Variants in SEL1L2 observed in about 807,000 individuals in gnomAD.
The protein encoded by SEL1L2 is protein sel-1 homolog 2.
A neutral mutation model predicts 98.8 loss-of-function variants in SEL1L2; 89 were observed. That is an observed-to-expected ratio of 0.90 (90% CI 0.76 to 1.07). The LOEUF is 1.07. Among genes scored for constraint, SEL1L2 ranks in the 50% least tolerant of loss-of-function variants. The probability of loss-of-function intolerance (pLI) is 0.00; values close to 1 mark genes in which losing one functional copy is unlikely to be tolerated. For synonymous variants in SEL1L2, 262 were observed against 278.5 expected (o/e 0.94, Z 0.59); for missense variants, 788 against 812.0 (o/e 0.97, Z 0.36).
Position 13,859,203 on chromosome 20 carries a change from C to T in SEL1L2, c.1818+59G>A, listed in dbSNP as rs1294901292. On this transcript the variant is annotated intron_variant, in intron 18 of 19. Transcript: ENST00000284951. ...ATCAATGAAATTCAAAACATTTACA[C>T]ATTCTGTCTTCTCACACAGCTGTCA... The T allele has an allele frequency of 1.7e-5, 25 of 1,472,894 alleles. No homozygotes were observed. The Admixed American group carries it at 4.1e-4, about 24-fold the overall frequency. The allele number at this position is 1,472,894 out of a possible 1,614,324, so 91.2% of individuals were successfully genotyped here.
rs2047057382 is a variant in SEL1L2, at chr20:13,888,513, C to T, written c.550-1G>A. 3 of 1,532,756 alleles carry T rather than the reference C, an allele frequency of 2.0e-6. No individual in the cohort carries two copies. Among genetic ancestry groups the T allele is most frequent in the Non-Finnish European group, 2.7e-6 (3 of 1,116,980 alleles). The allele number at this position is 1,532,756 out of a possible 1,614,324, so 94.9% of individuals were successfully genotyped here. On this transcript the variant is annotated splice_acceptor_variant, in intron 5 of 19. Coordinates refer to ENST00000284951, the MANE Select transcript of SEL1L2 (RefSeq NM_025229.2). LOFTEE classifies it high-confidence loss of function. The stretch of plus-strand genomic sequence containing the variant: ...CATAAGAAGACAAAAATCCTAATGC[C>T]TAAAGCACAAAAGAAGAAACAAAAT...
intron 18 of SEL1L2, among the ~76,000 whole-genome samples, chr20:13,858,351 C>T (rs1254439361): frequency 1.3e-5 from 2 of 152,080 alleles, no homozygotes; most frequent in Non-Finnish European, 2.9e-5. Flanking sequence ...CCAAGAATGA[C>T]TCACTGCGAG....
At chr20:13,876,239 T>C in intron 11 of SEL1L2, 124 bp from the exon 12 acceptor site, 1 of 694,234 alleles carries the variant, frequency 1.4e-6, no homozygotes, top group African/African-American at 1.8e-5. Context: ...CCACTGTAAA[T>C]GCCACTGAAT....
intron 1 of SEL1L2, among the ~76,000 whole-genome samples, chr20:13,978,117 T>C (rs1646523358): frequency 6.6e-6 from 1 of 152,102 alleles, no homozygotes; most frequent in African/African-American, 2.4e-5. Flanking sequence ...TACAAATCTA[T>C]AATACTCAAA....
chr20:13,969,848 A>G (rs2051204008), intron 1 of SEL1L2, among the ~76,000 whole-genome samples: 1 of 152,202 alleles, frequency 6.6e-6, no homozygotes, highest in Non-Finnish European at 1.5e-5. Flanking sequence ...AAGTGACTAA[A>G]TAAATTTGCC....
In SEL1L2 at chr20:13,884,808, G is replaced by A. The variant is rs940311782; in HGVS notation, c.957+539C>T. On this transcript the variant is annotated intron_variant, in intron 10 of 19. Coordinates refer to ENST00000284951, the MANE Select transcript of SEL1L2 (RefSeq NM_025229.2). ...AGGCATGAGCCACCGTACCTGGCCG[G>A]TTAATTAACCTTTTAACCTCACTGG... Among the ~76,000 whole-genome samples the A allele has an allele frequency of 1.1e-4, 17 of 152,094 alleles. 1 individual carries two copies. The highest frequency in any genetic ancestry group is 3.9e-4 in the African/African-American group (16 of 41,440).
chr20:13,942,465 G>A (rs1016003668), intron 2 of SEL1L2, among the ~76,000 whole-genome samples: 2 of 152,056 alleles, frequency 1.3e-5, no homozygotes, highest in Admixed American at 6.6e-5. Context: ...CTCCACCTGA[G>A]GTCTACAGAA....
intron 5 of SEL1L2, among the ~76,000 whole-genome samples, chr20:13,903,740 G>T (rs1345642791): frequency 6.6e-6 from 1 of 152,092 alleles, no homozygotes; most frequent in East Asian, 1.9e-4. Flanking sequence ...GAACCCGGGG[G>T]GGAGACGGAG....
intron 2 of SEL1L2, among the ~76,000 whole-genome samples, chr20:13,942,788 G>GA (rs957454045): frequency 6.6e-6 from 1 of 151,896 alleles, no homozygotes; most frequent in Admixed American, 6.6e-5. Context: ...ATGTATGTTT[G>GA]AAAAAAATGG....
chr20:13,975,143 A>C (rs1461784308), intron 1 of SEL1L2, among the ~76,000 whole-genome samples: 2 of 152,194 alleles, frequency 1.3e-5, no homozygotes, highest in African/African-American at 4.8e-5. Flanking sequence ...CTAGATGACT[A>C]TAGTAAATAA....
intron 3 of SEL1L2, among the ~76,000 whole-genome samples, chr20:13,926,294 G>C (rs1038257890): frequency 3.3e-5 from 5 of 151,504 alleles, no homozygotes; most frequent in Non-Finnish European, 7.4e-5. Flanking sequence ...CAGCCTGGGC[G>C]ACAGAGCGAG....
chr20:13,960,040 T>C (rs2050709913), intron 1 of SEL1L2, among the ~76,000 whole-genome samples: 1 of 152,218 alleles, frequency 6.6e-6, no homozygotes, highest in African/African-American at 2.4e-5. Flanking sequence ...GTATTAGAAA[T>C]CAGACATTGT....
At chr20:13,871,598 G>T (rs556989909) in intron 12 of SEL1L2, among the ~76,000 whole-genome samples, 37 of 151,574 alleles carry the variant, frequency 2.4e-4, no homozygotes, top group Middle Eastern at 3.4e-3. Flanking sequence ...TGCAACCTCT[G>T]CTTCCCTGGT....
At position 13,887,655 on chromosome 20, in the gene SEL1L2, A is replaced by G. The variant is rs186167524; in HGVS notation, c.745+114T>C. On this transcript the variant is annotated intron_variant, in intron 8 of 19. Transcript: ENST00000284951. ...AAAAGAATTGTATTATAACATATTA[A>G]AAACGTACACTTTTGATATTTTCAT... The G allele has an allele frequency of 3.6e-5, 25 of 691,618 alleles. No individual in the cohort carries two copies. In the African/African-American group the frequency reaches 3.8e-4, roughly 11 times the overall value. 42.8% of individuals were successfully genotyped at this position (691,618 alleles called of 1,614,324 possible).
chr20:13,983,245 C>T lies in SEL1L2; in HGVS notation c.58+7232G>A, dbSNP rs182569827. ...GTAACTTTTTAAGAATTTCCCTAGG[C>T]GAACGTAGAGTCAGGGACAATTGAA... is the stretch of plus-strand genomic sequence containing the variant. On this transcript the variant is annotated intron_variant, in intron 1 of 19. Transcript: ENST00000284951. Among the ~76,000 whole-genome samples, 706 of 151,770 alleles carry T rather than the reference C, an allele frequency of 4.7e-3. 2 individuals are homozygous for T. The highest frequency in any genetic ancestry group is 0.016 in the African/African-American group (660 of 41,378).
intron 2 of SEL1L2, 51 bp downstream of exon 2, chr20:13,956,025 T>G: frequency 9.7e-7 from 1 of 1,035,788 alleles, no homozygotes; most frequent in Middle Eastern, 2.2e-4. Context: ...AACTAGTGCC[T>G]ATAGCCTAAA....
intron 2 of SEL1L2, among the ~76,000 whole-genome samples, chr20:13,939,533 A>G (rs980030910): frequency 6.6e-6 from 1 of 152,110 alleles, no homozygotes; most frequent in African/African-American, 2.4e-5. Flanking sequence ...TCCAAATCCC[A>G]TACTTATTCT....
chr20:13,928,895 C>T (rs1005758883), intron 3 of SEL1L2, among the ~76,000 whole-genome samples: 4 of 152,092 alleles, frequency 2.6e-5, no homozygotes, highest in African/African-American at 9.7e-5. Flanking sequence ...AGACACCTGG[C>T]TGTGTTGGTC....
chr20:13,854,447 C>T (rs953976376), intron 18 of SEL1L2, among the ~76,000 whole-genome samples: 5 of 152,132 alleles, frequency 3.3e-5, no homozygotes, highest in Non-Finnish European at 5.9e-5. Flanking sequence ...GATTCCCCTA[C>T]CTGAGTTAGC....
Sources: gnomAD v4.1 joint callset for allele counts (sites outside exome capture counted in the v4.1 genomes callset) on GRCh38, gnomAD v4.1.1 for gene constraint, MANE v1.5 for transcripts, NCBI Gene and HGNC (gene_info 2026-07-23, HGNC 2026-07-21) for gene names.